DMD: variants seen among roughly 807,000 people sequenced by gnomAD.
DMD encodes the protein dystrophin.
In DMD, 63 loss-of-function variants were observed where a neutral mutation model predicts 330.1. The observed-to-expected ratio is 0.19, with a 90% CI of 0.16 to 0.24. DMD has a LOEUF of 0.24. Among genes scored for constraint, DMD ranks in the 10% least tolerant of loss-of-function variants. The pLI is 1.00. For missense variants in DMD, 3,344 were observed against 2,684.1 expected, an observed-to-expected ratio of 1.25 and a Z score of -5.43; for synonymous variants, 1,223 against 959.8, an observed-to-expected ratio of 1.27 and a Z score of -5.07.
chrX:33,030,330 T>C (rs947249641), intron 1 of DMD, among the ~76,000 whole-genome samples: 4 of 111,746 alleles, frequency 3.6e-5, no homozygotes, highest in Non-Finnish European at 5.6e-5. Context: ...TCTTCTCGAT[T>C]TGAAAGATAA....
At chrX:32,746,893 C>G (rs2148240104) in intron 7 of DMD, among the ~76,000 whole-genome samples, 1 of 111,378 alleles carries the variant, frequency 9.0e-6, no homozygotes, top group Admixed American at 9.6e-5. Flanking sequence ...TTCTGCTAAC[C>G]ACTATTCTAC....
At chrX:32,176,829 G>T (rs1453778716) in intron 44 of DMD, among the ~76,000 whole-genome samples, 1 of 110,978 alleles carries the variant, frequency 9.0e-6, no homozygotes, top group Non-Finnish European at 1.9e-5. Context: ...CCCCTCACTT[G>T]GATTTTTCAA....
chrX:32,980,096 T>G (rs1358765057), intron 2 of DMD, among the ~76,000 whole-genome samples: 1 of 109,892 alleles, frequency 9.1e-6, no homozygotes, highest in Non-Finnish European at 1.9e-5. Flanking sequence ...CCAGGCGAGG[T>G]GGTTCACGCC....
intron 16 of DMD, among the ~76,000 whole-genome samples, chrX:32,554,965 AAGAGAGAGAG>A (rs201281719): frequency 1.4e-4 from 14 of 96,731 alleles, no homozygotes; most frequent in African/African-American, 5.2e-4. Flanking sequence ...GAGAGAAAGA[AAGAGAGAGAG>A]AGAGAGAGAA....
chrX:31,585,280 T>C (rs1213658975), intron 55 of DMD, among the ~76,000 whole-genome samples: 1 of 87,537 alleles, frequency 1.1e-5, no homozygotes, highest in Non-Finnish European at 2.1e-5. Flanking sequence ...GCTGTGATCA[T>C]ACCATTGCAC....
chrX:31,951,159 G>GTGTATATATATATA (rs2095169670), intron 45 of DMD, among the ~76,000 whole-genome samples: 8 of 71,701 alleles, frequency 1.1e-4, no homozygotes, highest in African/African-American at 3.3e-4. Flanking sequence ...ATATATATAT[G>GTGTATATATATATA]TATATATATA....
intron 2 of DMD, among the ~76,000 whole-genome samples, chrX:32,879,021 A>AAAAAAAAAAAAAAAAAAAAAAAAACC (rs1352069437): frequency 2.0e-5 from 2 of 101,766 alleles, no homozygotes; most frequent in African/African-American, 7.1e-5. Flanking sequence ...AAAAAAACAA[A>AAAAAAAAAAAAAAAAAAAAAAAAACC]AAACAAAAAA....
intron 1 of DMD, among the ~76,000 whole-genome samples, chrX:33,305,630 C>T (rs2053750798): frequency 1.8e-5 from 2 of 108,259 alleles, no homozygotes; most frequent in African/African-American, 6.7e-5. Context: ...AAATCTATAC[C>T]TAATTTAGGA....
chrX:32,545,714 T>A (rs1342393299), intron 16 of DMD, among the ~76,000 whole-genome samples: 1 of 111,512 alleles, frequency 9.0e-6, no homozygotes, highest in Non-Finnish European at 1.9e-5. Context: ...CAGTACCAAT[T>A]CCATTGCCTA....
intron 44 of DMD, among the ~76,000 whole-genome samples, chrX:32,209,155 C>A (rs1314920957): frequency 9.0e-6 from 1 of 111,397 alleles, no homozygotes; most frequent in Non-Finnish European, 1.9e-5. Flanking sequence ...AACATGAAAA[C>A]ACATACTACA....
chrX:31,997,639 AT>A (rs774447307), intron 44 of DMD, among the ~76,000 whole-genome samples: 8 of 108,624 alleles, frequency 7.4e-5, no homozygotes, highest in Non-Finnish European at 1.2e-4. Context: ...TGTGGCTTGT[AT>A]TTTTTTTTCT....
At chrX:31,961,711 G>A (rs1243217253) in intron 45 of DMD, among the ~76,000 whole-genome samples, 2 of 107,935 alleles carry the variant, frequency 1.9e-5, no homozygotes, top group African/African-American at 6.8e-5. Flanking sequence ...AAAAAAATAA[G>A]GGGAAAGAGA....
At chrX:31,506,109 T>C (rs1045985288) in intron 56 of DMD, among the ~76,000 whole-genome samples, 2 of 112,249 alleles carry the variant, frequency 1.8e-5, no homozygotes, top group Non-Finnish European at 3.8e-5. Context: ...GCTTATGGCA[T>C]TGCGTGGTAT....
intron 1 of DMD, among the ~76,000 whole-genome samples, chrX:33,035,557 G>A (rs1052040399): frequency 1.1e-4 from 12 of 111,880 alleles, no homozygotes; most frequent in African/African-American, 3.9e-4. Context: ...TACTTTGACA[G>A]TAAGTATTGA....
intron 28 of DMD, among the ~76,000 whole-genome samples, chrX:32,439,090 C>CA (rs2098271988): frequency 8.9e-6 from 1 of 111,740 alleles, no homozygotes; most frequent in Non-Finnish European, 1.9e-5. Flanking sequence ...AAGTGAATCT[C>CA]AGTGTCATAG....
chrX:31,770,967 G>A (rs2090306558), intron 51 of DMD, among the ~76,000 whole-genome samples: 1 of 111,761 alleles, frequency 8.9e-6, no homozygotes, highest in Admixed American at 9.5e-5. Context: ...GGTACTTAGT[G>A]GCAGCTCAAT....
intron 7 of DMD, among the ~76,000 whole-genome samples, chrX:32,750,925 A>G (rs762320490): frequency 4.5e-5 from 5 of 111,126 alleles, no homozygotes; most frequent in Non-Finnish European, 9.4e-5. Context: ...TGTAAGGGGG[A>G]GTTTCCCCAC....
At chrX:31,984,790 C>A (rs1569527564) in intron 44 of DMD, among the ~76,000 whole-genome samples, 1 of 112,013 alleles carries the variant, frequency 8.9e-6, no homozygotes. Flanking sequence ...ATGAGCCAAT[C>A]TTCAGAAATG....
rs191857949 is a variant in DMD at position 33,068,972 on chromosome X, G to A, written c.32-48772C>T. On this transcript the variant is annotated intron_variant, in intron 1 of 78. Transcript: ENST00000357033. ...CCATTTCCTCTCTAGTTATGTGAAT[G>A]TGCACCATACAATACAAAGTTCTAT... 1.4e-4 allele frequency among the ~76,000 whole-genome samples: 16 copies of A among 111,971 alleles called. 1 individual carries two copies. The highest frequency in any genetic ancestry group is 1.1e-3 in the Admixed American group (12 of 10,507).
Sources: allele counts gnomAD v4.1 joint callset (sites outside exome capture counted in the v4.1 genomes callset), GRCh38; gene constraint gnomAD v4.1.1; transcripts MANE v1.5; gene names NCBI Gene and HGNC (gene_info 2026-07-23, HGNC 2026-07-21).